The following PHACTR1 variants were observed in gnomAD, a reference collection of about 807,000 sequenced individuals.
PHACTR1 encodes the protein RPEL repeat containing 1.
Under a neutral mutation model 69.2 loss-of-function variants are expected in PHACTR1, and 16 were observed. That is an observed-to-expected ratio of 0.23 (90% CI 0.16 to 0.35). PHACTR1 has a LOEUF of 0.35. Among genes scored for constraint, PHACTR1 ranks in the 10% least tolerant of loss-of-function variants. The probability of loss-of-function intolerance (pLI) is 1.00; values close to 1 mark genes in which losing one functional copy is unlikely to be tolerated. For synonymous variants in PHACTR1, 312 were observed against 284.5 expected (o/e 1.10, Z -0.97); for missense variants, 510 against 734.7 (o/e 0.69, Z 3.54).
chr6:13,124,002 G>A (rs1819136689), intron 5 of PHACTR1, among the ~76,000 whole-genome samples: 1 of 152,168 alleles, frequency 6.6e-6, no homozygotes, highest in African/African-American at 2.4e-5. Flanking sequence ...TAGCTGGGTG[G>A]GGGATGCAGG....
chr6:13,269,817 A>T (rs1038857084), intron 10 of PHACTR1, among the ~76,000 whole-genome samples: 2 of 152,136 alleles, frequency 1.3e-5, no homozygotes, highest in South Asian at 2.1e-4. Flanking sequence ...CTGGGCAAAA[A>T]AAGCTAAACT....
chr6:13,244,112 T>C (rs551545957), intron 10 of PHACTR1, among the ~76,000 whole-genome samples: 6 of 152,150 alleles, frequency 3.9e-5, no homozygotes, highest in African/African-American at 1.4e-4. Flanking sequence ...AAGAGAGAAA[T>C]TTTAAAGCTG....
chr6:13,019,929 G>T (rs1397774321), intron 4 of PHACTR1, among the ~76,000 whole-genome samples: 1 of 152,162 alleles, frequency 6.6e-6, no homozygotes, highest in Non-Finnish European at 1.5e-5. Context: ...CCTGAAGGGT[G>T]GTAGTCCATT....
chr6:13,181,657 C>T (rs1237288790), intron 6 of PHACTR1, among the ~76,000 whole-genome samples: 2 of 152,106 alleles, frequency 1.3e-5, no homozygotes, highest in Non-Finnish European at 2.9e-5. Context: ...GTGGTCGGCA[C>T]CGGGAGAATT....
At position 13,131,208 on chromosome 6, in the gene PHACTR1, T is replaced by TACACATACAC. The variant is rs67522119; in HGVS notation, c.416-28991_416-28990insTACACACACA. 2.7e-3 allele frequency among the ~76,000 whole-genome samples: 401 copies of TACACATACAC among 146,424 alleles called. 2 individuals are homozygous for TACACATACAC. Among genetic ancestry groups the TACACATACAC allele is most frequent in the African/African-American group, 9.5e-3 (364 of 38,354 alleles). On this transcript the variant is annotated intron_variant, in intron 5 of 14. Coordinates refer to ENST00000332995, the MANE Select transcript of PHACTR1 (RefSeq NM_030948.6). Reference sequence around the variant, plus strand: ...ACACACACACATATATATATACACATACACACACACACACACACACACACA... The same window carrying TACACATACAC: ...ACACACACACATATATATATACACATACACATACACACACACACACACACACACACACACA...
At chr6:13,231,088 A>G (rs1562037074) in intron 10 of PHACTR1, among the ~76,000 whole-genome samples, 1 of 79,142 alleles carries the variant, frequency 1.3e-5, no homozygotes, top group African/African-American at 4.8e-5. Flanking sequence ...AGGAAGGAAG[A>G]AGGAAGGAAG....
chr6:13,121,129 T>G (rs759979610), intron 5 of PHACTR1, among the ~76,000 whole-genome samples: 1 of 152,164 alleles, frequency 6.6e-6, no homozygotes, highest in Non-Finnish European at 1.5e-5. Flanking sequence ...GAAGGAACTT[T>G]CACTAGCTTG....
intron 4 of PHACTR1, among the ~76,000 whole-genome samples, chr6:12,923,149 CAA>C (rs1184283525): frequency 6.6e-6 from 1 of 152,010 alleles, no homozygotes. Context: ...TCCAGTAACT[CAA>C]AAGTTAATGC....
intron 7 of PHACTR1, among the ~76,000 whole-genome samples, chr6:13,192,810 G>T (rs1763783098): frequency 1.3e-5 from 2 of 152,302 alleles, no homozygotes; most frequent in African/African-American, 4.8e-5. Context: ...CTTAGCTAAT[G>T]CTGAACAGGA....
chr6:13,178,326 G>A (rs144330367), intron 6 of PHACTR1, among the ~76,000 whole-genome samples: 98 of 152,310 alleles, frequency 6.4e-4, no homozygotes, highest in African/African-American at 2.3e-3. Flanking sequence ...TCCCATGTTA[G>A]CCACACAGCC....
intron 4 of PHACTR1, among the ~76,000 whole-genome samples, chr6:12,804,222 G>A (rs555516755): frequency 1.6e-4 from 24 of 152,220 alleles, no homozygotes; most frequent in African/African-American, 5.8e-4. Flanking sequence ...TCTGCTCATT[G>A]AATCATCTAA....
At chr6:12,772,412 G>T (rs1277875025) in intron 4 of PHACTR1, among the ~76,000 whole-genome samples, 1 of 152,178 alleles carries the variant, frequency 6.6e-6, no homozygotes, top group East Asian at 1.9e-4. Flanking sequence ...GGAGAGAACA[G>T]ATTTGATGAT....
chr6:12,755,541 A>G (rs1767208975), intron 4 of PHACTR1, among the ~76,000 whole-genome samples: 1 of 152,216 alleles, frequency 6.6e-6, no homozygotes, highest in East Asian at 1.9e-4. Flanking sequence ...ATCACAGCAA[A>G]GTTATGGAAA....
chr6:13,182,728 A>G (rs750623449), intron 7 of PHACTR1, 42 bp downstream of exon 7: 28 of 1,472,884 alleles, frequency 1.9e-5, no homozygotes, highest in Non-Finnish European at 2.2e-5. Context: ...CCAGACACCA[A>G]GTCCAGCCAG....
chr6:13,073,361 T>TTTTTTTA, intron 5 of PHACTR1, among the ~76,000 whole-genome samples: 1 of 122,054 alleles, frequency 8.2e-6, no homozygotes. Context: ...TTTTTTTTTT[T>TTTTTTTA]GAGACAGAGT....
chr6:13,153,753 T>C (rs73723394), intron 5 of PHACTR1, among the ~76,000 whole-genome samples: 8,181 of 152,224 alleles, frequency 0.054, 509 homozygotes, highest in African/African-American at 0.15. Context: ...AGAACTAGAC[T>C]CCGGATTTTT....
At chr6:12,953,107 G>C (rs1791479894) in intron 4 of PHACTR1, among the ~76,000 whole-genome samples, 1 of 152,126 alleles carries the variant, frequency 6.6e-6, no homozygotes, top group South Asian at 2.1e-4. Context: ...TGGATCACCT[G>C]AGGTCAGGAG....
intron 4 of PHACTR1, among the ~76,000 whole-genome samples, chr6:13,018,181 T>G (rs1800453494): frequency 6.6e-6 from 1 of 152,190 alleles, no homozygotes; most frequent in Non-Finnish European, 1.5e-5. Context: ...GAATGCCCTG[T>G]GAGTTCCTGT....
At chr6:13,133,979 C>G (rs2327633) in intron 5 of PHACTR1, among the ~76,000 whole-genome samples, 1 of 151,570 alleles carries the variant, frequency 6.6e-6, no homozygotes. Context: ...CGCCTCTGCC[C>G]GGCCGCGACT....
Sources: gnomAD v4.1 joint callset for allele counts (sites outside exome capture counted in the v4.1 genomes callset) on GRCh38, gnomAD v4.1.1 for gene constraint, MANE v1.5 for transcripts, NCBI Gene and HGNC (gene_info 2026-07-23, HGNC 2026-07-21) for gene names.